LAMB1: variants seen among roughly 807,000 people sequenced by gnomAD.
LAMB1 encodes the protein laminin subunit beta 1, also known as laminin subunit beta-1.
In LAMB1, 121 loss-of-function variants were observed where a neutral mutation model predicts 222.3. The ratio of observed to expected loss-of-function variants is 0.54; its 90% CI spans 0.47 to 0.63. The LOEUF is 0.63. LAMB1 is among the 30% of genes least tolerant of loss of function. The pLI, the probability that LAMB1 is intolerant of heterozygous loss-of-function variation, is 0.00. For missense variants in LAMB1, 2,172 were observed against 2,240.8 expected (o/e 0.97, Z 0.62); for synonymous variants, 794 against 807.2 (o/e 0.98, Z 0.28).
chr7:107,988,250 G>GACA (rs756684172), intron 5 of LAMB1, among the ~76,000 whole-genome samples: 57 of 152,356 alleles, frequency 3.7e-4, no homozygotes, highest in African/African-American at 1.2e-3. Flanking sequence ...TGCCAATGAC[G>GACA]ACAACGTGGA....
chr7:107,967,971 G>A (rs1407090193), intron 13 of LAMB1, among the ~76,000 whole-genome samples: 1 of 152,150 alleles, frequency 6.6e-6, no homozygotes, highest in Admixed American at 6.5e-5. Context: ...AGCCTGGAGA[G>A]GACTTGACAG....
At chr7:107,938,571 C>T (rs989302290) in intron 25 of LAMB1, among the ~76,000 whole-genome samples, 1 of 152,096 alleles carries the variant, frequency 6.6e-6, no homozygotes, top group Non-Finnish European at 1.5e-5. Flanking sequence ...TGAATAGTGA[C>T]GGTAGAAACA....
At chr7:107,934,955 A>T (rs1429043197) in intron 27 of LAMB1, among the ~76,000 whole-genome samples, 2 of 150,796 alleles carry the variant, frequency 1.3e-5, no homozygotes, top group Non-Finnish European at 2.9e-5. Context: ...GTTAGCCTGT[A>T]ATCCCAGCAC....
At chr7:107,966,500 C>T (rs921259903) in intron 13 of LAMB1, among the ~76,000 whole-genome samples, 4 of 152,122 alleles carry the variant, frequency 2.6e-5, no homozygotes, top group Admixed American at 1.3e-4. Flanking sequence ...TAAGCCACCA[C>T]GCCCAGCCAG....
chr7:107,998,058 T>C (rs533876125), intron 4 of LAMB1, among the ~76,000 whole-genome samples: 1 of 152,228 alleles, frequency 6.6e-6, no homozygotes, highest in South Asian at 2.1e-4. Flanking sequence ...ATAGTACCCA[T>C]ACCCTCCCCA....
intron 3 of LAMB1, chr7:108,000,010 G>A (rs2034353372): frequency 6.6e-6 from 1 of 152,074 alleles, no homozygotes; most frequent in Non-Finnish European, 1.5e-5. Flanking sequence ...CAAACAGTGT[G>A]ATTCTCATTT....
At chr7:107,938,225 G>C (rs889161576) in intron 25 of LAMB1, among the ~76,000 whole-genome samples, 5 of 152,272 alleles carry the variant, frequency 3.3e-5, no homozygotes, top group East Asian at 3.9e-4. Context: ...GTAAGGCTGA[G>C]ATAAAACTAT....
intron 22 of LAMB1, among the ~76,000 whole-genome samples, chr7:107,953,122 C>T (rs952054788): frequency 9.2e-5 from 14 of 152,108 alleles, no homozygotes; most frequent in African/African-American, 3.4e-4. Context: ...TTTGGAAGGC[C>T]GAGGCGGGTG....
intron 24 of LAMB1, among the ~76,000 whole-genome samples, chr7:107,945,966 A>G (rs1266256624): frequency 2.0e-5 from 3 of 152,124 alleles, no homozygotes; most frequent in African/African-American, 7.2e-5. Flanking sequence ...CATGTCCCCA[A>G]ATAGCCTGCA....
intron 27 of LAMB1, among the ~76,000 whole-genome samples, chr7:107,933,379 TA>T (rs2032758233): frequency 6.6e-6 from 1 of 152,216 alleles, no homozygotes; most frequent in African/African-American, 2.4e-5. Context: ...CTATTTAGCC[TA>T]ATAATTTTAA....
At position 108,002,420 on chromosome 7, in the gene LAMB1, T is replaced by G. The variant is rs980562813; in HGVS notation, c.37+429A>C. On this transcript the variant is annotated intron_variant, in intron 2 of 33. Coordinates refer to ENST00000222399, the MANE Select transcript of LAMB1 (RefSeq NM_002291.3). Reference sequence around the variant, plus strand: ...CCGGAGACAAACAGAGATGGTTAATTAAAGCCACATGGCCCCCATCTGTTC... The same window carrying G: ...CCGGAGACAAACAGAGATGGTTAATGAAAGCCACATGGCCCCCATCTGTTC... 4 of 1,313,556 alleles carry G rather than the reference T, an allele frequency of 3.0e-6. No homozygotes were observed. In the African/African-American group the frequency reaches 6.0e-5, roughly 20 times the overall value. 81.4% of individuals were successfully genotyped at this position (1,313,556 alleles called of 1,614,324 possible). A position where few individuals can be genotyped will look rare whatever the true frequency, so the allele number is the denominator to read the frequency against.
chr7:107,941,576 A>G (rs1490132431), intron 24 of LAMB1, among the ~76,000 whole-genome samples: 1 of 152,102 alleles, frequency 6.6e-6, no homozygotes, highest in African/African-American at 2.4e-5. Context: ...GGACACTTAC[A>G]TACCTTCATA....
At chr7:107,997,303 A>G (rs1563011250) in intron 4 of LAMB1, among the ~76,000 whole-genome samples, 1 of 152,152 alleles carries the variant, frequency 6.6e-6, no homozygotes, top group South Asian at 2.1e-4. Context: ...TGTGCCTGTA[A>G]TCCCAGCTAC....
At chr7:107,966,797 C>T (rs1353428725) in intron 13 of LAMB1, among the ~76,000 whole-genome samples, 1 of 152,162 alleles carries the variant, frequency 6.6e-6, no homozygotes, top group Non-Finnish European at 1.5e-5. Context: ...CCAGCAGGCT[C>T]CCGGTGCTGC....
intron 28 of LAMB1, 65 bp downstream of exon 28, chr7:107,932,109 G>T: frequency 7.2e-7 from 1 of 1,394,684 alleles, no homozygotes; most frequent in Non-Finnish European, 1.0e-6. Context: ...CTCCCTTTCA[G>T]ATCCTTTAGT....
chr7:107,960,710 G>A lies in LAMB1; in HGVS notation c.2110-61C>T. The A allele has an allele frequency of 8.5e-6, 12 of 1,412,978 alleles. No homozygotes were observed. The South Asian group carries it at 1.4e-4, about 17-fold the overall frequency. The allele number at this position is 1,412,978 out of a possible 1,614,324, so 87.5% of individuals were successfully genotyped here. On this transcript the variant is annotated intron_variant, in intron 17 of 33. Coordinates refer to ENST00000222399, the MANE Select transcript of LAMB1 (RefSeq NM_002291.3). ...GTGGTGCCCCATGGCATGGGTTTAAGCAAGCAAACGTGTAGAAAACCCAAA... is the reference window on the plus strand; with the variant it reads ...GTGGTGCCCCATGGCATGGGTTTAAACAAGCAAACGTGTAGAAAACCCAAA...
At position 108,002,796 on chromosome 7, in the gene LAMB1, C is replaced by T. The variant is rs1037324152; in HGVS notation, c.37+53G>A. On this transcript the variant is annotated intron_variant, in intron 2 of 33. Transcript: ENST00000222399. ...GGTGAGCAAGCAGCTTTTGGGTTTT[C>T]CTTCCCCATGCCCAAGTCCGTCCGC... The T allele has an allele frequency of 3.7e-6, 6 of 1,612,518 alleles. No individual in the cohort carries two copies. The African/African-American group carries it at 5.3e-5, about 14-fold the overall frequency.
At chr7:107,998,990 A>G (rs1296958918) in intron 3 of LAMB1, among the ~76,000 whole-genome samples, 3 of 152,234 alleles carry the variant, frequency 2.0e-5, no homozygotes, top group Non-Finnish European at 2.9e-5. Flanking sequence ...ACAGAACAAG[A>G]TTTCTTCGTT....
intron 13 of LAMB1, among the ~76,000 whole-genome samples, chr7:107,971,744 C>T (rs892656568): frequency 3.9e-5 from 6 of 152,116 alleles, no homozygotes; most frequent in African/African-American, 1.4e-4. Flanking sequence ...AGAGGGCAGG[C>T]TAGGGCCTGT....
Sources: allele counts gnomAD v4.1 joint callset (sites outside exome capture counted in the v4.1 genomes callset), GRCh38; gene constraint gnomAD v4.1.1; transcripts MANE v1.5; gene names NCBI Gene and HGNC (gene_info 2026-07-23, HGNC 2026-07-21).